DNALI1: variants seen among roughly 807,000 people sequenced by gnomAD.
DNALI1 encodes dynein axonemal light intermediate chain 1, also known as axonemal dynein light intermediate polypeptide 1.
In DNALI1, 31 loss-of-function variants were observed where a neutral mutation model predicts 33.9. The ratio of observed to expected loss-of-function variants is 0.91; its 90% confidence interval spans 0.69 to 1.23. DNALI1 has a LOEUF of 1.23. Among genes scored for constraint, DNALI1 ranks in the 50% most tolerant of loss-of-function variants. The probability of loss-of-function intolerance (pLI) is 0.00; values close to 1 mark genes in which losing one functional copy is unlikely to be tolerated. For missense variants in DNALI1, 305 were observed against 323.8 expected, an observed-to-expected ratio of 0.94 and a Z score of 0.44; for synonymous variants, 117 against 129.2, an observed-to-expected ratio of 0.91 and a Z score of 0.64.
In DNALI1 at chr1:37,559,491, G is replaced by T; in HGVS notation, c.392G>T (p.Cys131Phe). 6.2e-7 allele frequency: 1 copy of T among 1,604,806 alleles called. No homozygotes were observed. Among genetic ancestry groups the T allele is most frequent in the Non-Finnish European group, 8.5e-7 (1 of 1,175,092 alleles). Residue 131 changes from cysteine to phenylalanine, a missense_variant, in exon 3 of 6, where the codon TGT becomes TTT. Physicochemically the swap from Cys to Phe is radical, Grantham distance 205. Coordinates refer to ENST00000652629, the MANE Select transcript of DNALI1 (RefSeq NM_003462.5). The surrounding 1 kb of genome is among the most constrained non-coding windows in gnomAD (Gnocchi z 5.3). ...GTCCGCAGGGAACTCTACTCACAGT[G>T]TTTTGGTGAGTGAGCCAGGTGAGGG... is the stretch of plus-strand genomic sequence containing the variant. ...CPVRRELYSQ[C>F]FDELIREVTI...
rs1643412048 is a variant in DNALI1 at position 37,559,580 on chromosome 1, C to A, written c.397+84C>A. On this transcript the variant is annotated intron_variant, in intron 3 of 5. Transcript: ENST00000652629. The surrounding 1 kb of genome is among the most constrained non-coding windows in gnomAD (Gnocchi z 5.3). ...TTCAGCACAGATCCAAGCCTGAGCA[C>A]CTTGGAGCTGGAGCCCATCTCATGC... 7.4e-7 allele frequency: 1 copy of A among 1,360,010 alleles called. No individual in the cohort carries two copies. The highest frequency in any genetic ancestry group is 9.6e-7 in the Non-Finnish European group (1 of 1,041,274). The allele number at this position is 1,360,010 out of a possible 1,614,324, so 84.2% of individuals were successfully genotyped here. A position where few individuals can be genotyped will look rare whatever the true frequency, so the allele number is the denominator to read the frequency against.
In DNALI1 at chr1:37,562,264, G is replaced by T. The variant is rs781592854; in HGVS notation, c.741+19G>T. ...GCTGAAGGTAATCAACGCGCAGGGT[G>T]GGGTGGAGGTGCCCCCTGCCCTGCG... is the stretch of plus-strand genomic sequence containing the variant. On this transcript the variant is annotated intron_variant, in intron 5 of 5. Coordinates refer to ENST00000652629, the MANE Select transcript of DNALI1 (RefSeq NM_003462.5). The surrounding 1 kb of genome is among the most constrained non-coding windows in gnomAD (Gnocchi z 5.8). 1.9e-6 allele frequency: 3 copies of T among 1,605,126 alleles called. No individual in the cohort carries two copies. The highest frequency in any genetic ancestry group is 2.2e-5 in the East Asian group (1 of 44,454).
At chr1:37,564,982 G>A (rs1340354620) in intron 5 of DNALI1, 44 bp from the exon 6 acceptor site, 1 of 1,605,572 alleles carries the variant, frequency 6.2e-7, no homozygotes, top group Admixed American at 1.7e-5. Flanking sequence ...TTTGTATCAG[G>A]CTGCAAGTTT....
intron 5 of DNALI1, among the ~76,000 whole-genome samples, chr1:37,564,126 A>G (rs1197067861): frequency 6.6e-6 from 1 of 151,948 alleles, no homozygotes; most frequent in Admixed American, 6.6e-5. Context: ...CAAGCTACTC[A>G]GGAGGCTGAG....
intron 5 of DNALI1, among the ~76,000 whole-genome samples, chr1:37,563,695 T>C (rs1643466177): frequency 6.6e-6 from 1 of 152,096 alleles, no homozygotes; most frequent in South Asian, 2.1e-4. Context: ...TTCACCATGT[T>C]GGCCAGGCTG....
intron 5 of DNALI1, among the ~76,000 whole-genome samples, chr1:37,563,999 C>A (rs535994023): frequency 2.0e-5 from 3 of 151,502 alleles, no homozygotes; most frequent in African/African-American, 4.8e-5. Flanking sequence ...TTTGGGAGGC[C>A]GAGGCAGGTG....
At position 37,562,964 on chromosome 1, in the gene DNALI1, T is replaced by C. The variant is rs1010952348; in HGVS notation, c.741+719T>C. On this transcript the variant is annotated intron_variant, in intron 5 of 5. Coordinates refer to ENST00000652629, the MANE Select transcript of DNALI1 (RefSeq NM_003462.5). The surrounding 1 kb of genome is among the most constrained non-coding windows in gnomAD (Gnocchi z 5.8). ...GACAAATTATTGGGCCCACCCCAGA[T>C]CTACCAAATCAGAAAATTCGGGGTT... Among the ~76,000 whole-genome samples the C allele has an allele frequency of 6.6e-6, 1 of 152,224 alleles. No homozygotes were observed. The highest frequency in any genetic ancestry group is 2.4e-5 in the African/African-American group (1 of 41,456).
At chr1:37,560,208 C>T (rs980764062) in intron 3 of DNALI1, among the ~76,000 whole-genome samples, 6 of 152,202 alleles carry the variant, frequency 3.9e-5, no homozygotes, top group East Asian at 1.9e-4. Flanking sequence ...CGGCAAGGGG[C>T]CTTCCTCTTT....
chr1:37,557,210 G>A lies in DNALI1; in HGVS notation c.81+135G>A, dbSNP rs190968535. On this transcript the variant is annotated intron_variant, in intron 1 of 5. Transcript: ENST00000652629. ...GAGTAAAGGGAATTGGGAAGTCAGA[G>A]AAGGAGGGTGAGAGGATTGTATAGG... is the stretch of plus-strand genomic sequence containing the variant. 51 of 1,388,856 alleles carry A rather than the reference G, an allele frequency of 3.7e-5. No homozygotes were observed. The African/African-American group carries it at 5.3e-4, about 15-fold the overall frequency. 86.0% of individuals were successfully genotyped at this position (1,388,856 alleles called of 1,614,324 possible).
In DNALI1 at chr1:37,565,135, T is replaced by A; in HGVS notation, c.*74T>A. 6.5e-7 allele frequency: 1 copy of A among 1,548,274 alleles called. No homozygotes were observed. The highest frequency in any genetic ancestry group is 8.9e-7 in the Non-Finnish European group (1 of 1,121,330). On this transcript the variant is annotated 3_prime_UTR_variant, in exon 6 of 6. Transcript: ENST00000652629. ...TGTGTTCCTCTGGCAGCCAATAAAA[T>A]CATCATAAGCCCTTTGTAATAAAAA...
At chr1:37,557,139 G>A (rs1017037023) in intron 1 of DNALI1, 64 bp downstream of exon 1, 10 of 1,605,406 alleles carry the variant, frequency 6.2e-6, no homozygotes, top group Non-Finnish European at 8.5e-6. Flanking sequence ...ACACATTCCC[G>A]CATGGAGGGT....
Position 37,561,935 on chromosome 1 carries a change from T to C in DNALI1, c.577-146T>C. ...GTGGTCTTGGCAGAGTTGTTTCCGC[T>C]GTAGACGCTCCATGCCAGGCACTGA... is the stretch of plus-strand genomic sequence containing the variant. On this transcript the variant is annotated intron_variant, in intron 4 of 5. Coordinates refer to ENST00000652629, the MANE Select transcript of DNALI1 (RefSeq NM_003462.5). This position sits in a 1 kb window ranked among gnomAD's most constrained non-coding sequence, Gnocchi z 4.6. 7.1e-7 allele frequency: 1 copy of C among 1,414,120 alleles called. No homozygotes were observed. Among genetic ancestry groups the C allele is most frequent in the Admixed American group, 2.1e-5 (1 of 47,908 alleles). 87.6% of individuals were successfully genotyped at this position (1,414,120 alleles called of 1,614,324 possible).
In DNALI1 at chr1:37,561,757, C is replaced by T. The variant is rs771061760; in HGVS notation, c.576+22C>T. 1 of 1,606,312 alleles carries T rather than the reference C, an allele frequency of 6.2e-7. No individual in the cohort carries two copies. The highest frequency in any genetic ancestry group is 2.2e-5 in the East Asian group (1 of 44,628). On this transcript the variant is annotated intron_variant, in intron 4 of 5. Transcript: ENST00000652629. This position sits in a 1 kb window ranked among gnomAD's most constrained non-coding sequence, Gnocchi z 4.6. Reference sequence around the variant, plus strand: ...GAAAGTGAGTGGGGTTTACCGTGACCCTTGGTCCCATCTCTTCTGTAAACC... The same window carrying T: ...GAAAGTGAGTGGGGTTTACCGTGACTCTTGGTCCCATCTCTTCTGTAAACC...
intron 3 of DNALI1, chr1:37,560,844 ACATCCATC>A (rs746901507): frequency 3.3e-5 from 5 of 152,262 alleles, no homozygotes; most frequent in Non-Finnish European, 5.9e-5. Flanking sequence ...TTCAGTATTT[ACATCCATC>A]CATCCATCCA....
intron 5 of DNALI1, among the ~76,000 whole-genome samples, chr1:37,564,365 G>A (rs1221194371): frequency 6.6e-6 from 1 of 151,726 alleles, no homozygotes; most frequent in Non-Finnish European, 1.5e-5. Context: ...GAACTCCCAG[G>A]ATCCTAAACC....
At chr1:37,560,902 G>A (rs572379023) in intron 3 of DNALI1, 11 of 152,322 alleles carry the variant, frequency 7.2e-5, no homozygotes, top group African/African-American at 1.4e-4. Flanking sequence ...ATTGTGATTT[G>A]TTGTTAACCC....
At chr1:37,563,946 G>A (rs1196198622) in intron 5 of DNALI1, among the ~76,000 whole-genome samples, 2 of 152,112 alleles carry the variant, frequency 1.3e-5, no homozygotes, top group Non-Finnish European at 2.9e-5. Flanking sequence ...AAGAGGGACA[G>A]CTCTCGGCTG....
intron 3 of DNALI1, chr1:37,560,885 G>A (rs901899922): frequency 2.0e-5 from 3 of 152,182 alleles, no homozygotes; most frequent in African/African-American, 7.2e-5. Context: ...CCTTGGTCCA[G>A]AAAAATATTG....
rs1267943776 is a variant in DNALI1, at chr1:37,562,116, G to A, written c.612G>A (p.Glu204=). 1.9e-6 allele frequency: 3 copies of A among 1,614,160 alleles called. No homozygotes were observed. The highest frequency in any genetic ancestry group is 2.2e-5 in the South Asian group (2 of 91,086). ...AELETEKRDL[E]RQVNEQKAKC... ...TGGAGACGGAAAAGAGAGACCTGGA[G>A]AGGCAAGTGAACGAGCAGAAGGCAA... Residue 204 remains glutamate (E), a synonymous_variant, in exon 5 of 6, where the codon GAG becomes GAA. Transcript: ENST00000652629. The surrounding 1 kb of genome is among the most constrained non-coding windows in gnomAD (Gnocchi z 5.8).
Sources: gnomAD v4.1 joint callset for allele counts (sites outside exome capture counted in the v4.1 genomes callset) on GRCh38, gnomAD v4.1.1 for gene constraint, Gnocchi (gnomAD v3.1) non-coding constraint, MANE v1.5 for transcripts, NCBI Gene and HGNC (gene_info 2026-07-23, HGNC 2026-07-21) for gene names.